TENM2: variants seen among roughly 807,000 people sequenced by gnomAD.
TENM2 encodes teneurin transmembrane protein 2.
TENM2 carries 52 observed loss-of-function variants against 245.2 expected under a neutral mutation model. The ratio of observed to expected loss-of-function variants is 0.21; its 90% confidence interval spans 0.17 to 0.27. TENM2 has a LOEUF of 0.27. TENM2 is among the 10% of genes least tolerant of loss of function. TENM2 has a pLI of 1.00. For missense variants in TENM2, 3,046 were observed against 3,666.8 expected (o/e 0.83, Z 4.37); for synonymous variants, 1,363 against 1,438.9 (o/e 0.95, Z 1.19).
chr5:167,751,953 T>TACACACACAC (rs111301552), intron 2 of TENM2, among the ~76,000 whole-genome samples: 8 of 149,758 alleles, frequency 5.3e-5, no homozygotes, highest in East Asian at 4.0e-4. Context: ...GTGAAAATAA[T>TACACACACAC]ACACACACAC....
the TENM2 span, among the ~76,000 whole-genome samples, chr5:167,110,709 A>T: frequency 2.6e-5 from 4 of 152,160 alleles, no homozygotes; most frequent in Non-Finnish European, 4.4e-5. Context: ...TTATTCTCTT[A>T]TGTGGGATCT....
chr5:167,213,713 T>C, the TENM2 span, among the ~76,000 whole-genome samples: 5 of 152,196 alleles, frequency 3.3e-5, no homozygotes, highest in African/African-American at 1.2e-4. Context: ...GAGTAGCCTC[T>C]ATAAAATATT....
chr5:167,618,135 A>G (rs1034748361), intron 2 of TENM2, among the ~76,000 whole-genome samples: 22 of 152,160 alleles, frequency 1.4e-4, no homozygotes, highest in Non-Finnish European at 3.1e-4. Flanking sequence ...TACGATGGTG[A>G]TAATAATGGT....
chr5:167,362,563 GT>G (rs573274432), intron 1 of TENM2, among the ~76,000 whole-genome samples: 1 of 152,118 alleles, frequency 6.6e-6, no homozygotes, highest in Non-Finnish European at 1.5e-5. Context: ...AAGTCAAAGT[GT>G]TTTCAAAACA....
chr5:168,041,475 C>T (rs1046829802), intron 5 of TENM2, among the ~76,000 whole-genome samples: 3 of 152,206 alleles, frequency 2.0e-5, no homozygotes, highest in Non-Finnish European at 4.4e-5. Flanking sequence ...TCGGCGTGCT[C>T]TTCCCCAGAC....
intron 4 of TENM2, among the ~76,000 whole-genome samples, chr5:167,972,826 C>G (rs1781890426): frequency 6.6e-6 from 1 of 152,040 alleles, no homozygotes; most frequent in Admixed American, 6.5e-5. Flanking sequence ...CATAAATACC[C>G]TAGAAATGCC....
At chr5:167,353,770 G>GCT (rs1759131061) in intron 1 of TENM2, among the ~76,000 whole-genome samples, 1 of 151,962 alleles carries the variant, frequency 6.6e-6, no homozygotes, top group Non-Finnish European at 1.5e-5. Context: ...GCCTCCCAAA[G>GCT]TGCTGGGATT....
chr5:167,879,652 T>C (rs1773712238), intron 3 of TENM2, among the ~76,000 whole-genome samples: 1 of 152,194 alleles, frequency 6.6e-6, no homozygotes, highest in Admixed American at 6.5e-5. Context: ...CTGGCTTTCC[T>C]CTACCTGTGA....
chr5:168,111,367 T>A (rs1410610587), intron 9 of TENM2, among the ~76,000 whole-genome samples: 1 of 152,004 alleles, frequency 6.6e-6, no homozygotes, highest in African/African-American at 2.4e-5. Context: ...TTCACGGGGG[T>A]CCTGCCGGCT....
At chr5:168,207,919 G>T (rs1762494497) in intron 19 of TENM2, among the ~76,000 whole-genome samples, 2 of 152,098 alleles carry the variant, frequency 1.3e-5, no homozygotes, top group Admixed American at 1.3e-4. Context: ...AGGTAAAATG[G>T]TTATCACCTG....
chr5:167,452,940 T>TATATATATATATATATATTTTAA (rs1765677238), intron 2 of TENM2, among the ~76,000 whole-genome samples: 1 of 5,314 alleles, frequency 1.9e-4, no homozygotes. Flanking sequence ...TTTATATATA[T>TATATATATATATATATATTTTAA]ATATATATAT....
At chr5:167,715,461 T>C (rs1053630193) in intron 2 of TENM2, among the ~76,000 whole-genome samples, 2 of 152,150 alleles carry the variant, frequency 1.3e-5, no homozygotes, top group African/African-American at 4.8e-5. Flanking sequence ...AAATGAGCCA[T>C]TGAAGGGTTT....
chr5:167,078,013 C>T, the TENM2 span, among the ~76,000 whole-genome samples: 1 of 151,894 alleles, frequency 6.6e-6, no homozygotes, highest in African/African-American at 2.4e-5. Context: ...AATTATAAAT[C>T]TGTTTTGACT....
At chr5:167,573,714 T>C (rs1468753840) in intron 2 of TENM2, among the ~76,000 whole-genome samples, 1 of 152,126 alleles carries the variant, frequency 6.6e-6, no homozygotes, top group Non-Finnish European at 1.5e-5. Flanking sequence ...CTGCGAGTTT[T>C]AGGCATGTAT....
chr5:168,237,454 T>C (rs1461993075), intron 25 of TENM2, among the ~76,000 whole-genome samples: 2 of 152,118 alleles, frequency 1.3e-5, no homozygotes, highest in South Asian at 2.1e-4. Context: ...CAAAACAAAA[T>C]AGAGACACTA....
chr5:167,910,193 G>A (rs1776439800), intron 3 of TENM2, among the ~76,000 whole-genome samples: 1 of 152,022 alleles, frequency 6.6e-6, no homozygotes, highest in Admixed American at 6.6e-5. Context: ...TTGCACCCAG[G>A]GCAGACATCA....
At chr5:168,051,992 G>A (rs1335525703) in intron 6 of TENM2, among the ~76,000 whole-genome samples, 1 of 152,150 alleles carries the variant, frequency 6.6e-6, no homozygotes, top group African/African-American at 2.4e-5. Flanking sequence ...AGGTGCAGTG[G>A]CTCACGCCTG....
rs1440731693 is a variant in TENM2, at chr5:168,247,288, T to C, written c.6349T>C (p.Tyr2117His). 2 of 1,614,034 alleles carry C rather than the reference T, an allele frequency of 1.2e-6. No individual in the cohort carries two copies. The highest frequency in any genetic ancestry group is 2.2e-5 in the East Asian group (1 of 44,878). The change falls in exon 27 of 29, where the codon TAC becomes CAC. Residue 2117 changes from tyrosine (Y) to histidine (H), a missense_variant. Tyr to His is a moderately conservative substitution (Grantham distance 83). Coordinates refer to ENST00000518659, the Ensembl canonical transcript of TENM2. The surrounding 1 kb of genome is among the most constrained non-coding windows in gnomAD (Gnocchi z 7.8). ...TGAGACTCCCCTCCCCGTTGACCTC[T>C]ACCGCTATGATGAGATTTCTGGCAA... is the stretch of plus-strand genomic sequence containing the variant.
At chr5:168,220,923 C>A (rs987760008) in intron 23 of TENM2, among the ~76,000 whole-genome samples, 10 of 151,968 alleles carry the variant, frequency 6.6e-5, no homozygotes, top group African/African-American at 2.2e-4. Flanking sequence ...ACCAGCCTGG[C>A]CAACATGGAA....
Sources: allele counts gnomAD v4.1 joint callset (sites outside exome capture counted in the v4.1 genomes callset), GRCh38; gene constraint gnomAD v4.1.1; non-coding constraint Gnocchi (gnomAD v3.1); transcripts MANE v1.5; gene names NCBI Gene and HGNC (gene_info 2026-07-23, HGNC 2026-07-21).